TENM1: variants seen among roughly 807,000 people sequenced by gnomAD.
TENM1 encodes the protein teneurin transmembrane protein 1.
A neutral mutation model predicts 174.8 loss-of-function variants in TENM1; 35 were observed. The ratio of observed to expected loss-of-function variants is 0.20; its 90% CI spans 0.15 to 0.27. TENM1 has a LOEUF of 0.27. TENM1 is among the 10% of genes least tolerant of loss of function. TENM1 has a pLI of 1.00. For synonymous variants in TENM1, 781 were observed against 798.7 expected (o/e 0.98, Z 0.37); for missense variants, 1,633 against 2,130.1 (o/e 0.77, Z 4.59).
At chrX:125,098,766 T>C in the TENM1 span, among the ~76,000 whole-genome samples, 1 of 111,991 alleles carries the variant, frequency 8.9e-6, no homozygotes, top group African/African-American at 3.2e-5. Flanking sequence ...GCTAATAAAA[T>C]TTACCATCCA....
intron 5 of TENM1, among the ~76,000 whole-genome samples, chrX:124,695,987 T>C (rs1048843498): frequency 8.9e-6 from 1 of 111,770 alleles, no homozygotes; most frequent in Non-Finnish European, 1.9e-5. Flanking sequence ...AAGATACTAA[T>C]GGTTTGTTTG....
At chrX:124,922,237 A>G (rs2058033282) in intron 1 of TENM1, among the ~76,000 whole-genome samples, 1 of 111,297 alleles carries the variant, frequency 9.0e-6, no homozygotes, top group African/African-American at 3.3e-5. Flanking sequence ...ATGCTATTCC[A>G]CTGTCTTCTA....
intron 12 of TENM1, among the ~76,000 whole-genome samples, chrX:124,564,278 A>C (rs939177695): frequency 1.8e-5 from 2 of 112,214 alleles, no homozygotes; most frequent in Non-Finnish European, 3.8e-5. Context: ...ACAGTTGCAG[A>C]ACAAGACTTA....
exon 12 of TENM1, chrX:124,565,455 G>T: frequency 8.3e-7 from 1 of 1,209,617 alleles, no homozygotes; most frequent in Non-Finnish European, 1.1e-6. Flanking sequence ...AGTACAATGA[G>T]AATGACAGGA....
At chrX:124,987,904 C>A in the TENM1 span, among the ~76,000 whole-genome samples, 11 of 111,192 alleles carry the variant, frequency 9.9e-5, no homozygotes, top group African/African-American at 3.6e-4. Context: ...ACATTGATAC[C>A]TGGTTCTTAC....
chrX:124,589,815 T>C (rs746872908), intron 11 of TENM1, among the ~76,000 whole-genome samples: 6 of 111,869 alleles, frequency 5.4e-5, no homozygotes, highest in Non-Finnish European at 1.1e-4. Context: ...TTTTTTATTT[T>C]TTAATCTAGC....
chrX:124,893,280 A>T (rs2057505344), intron 3 of TENM1, among the ~76,000 whole-genome samples: 1 of 112,560 alleles, frequency 8.9e-6, no homozygotes, highest in African/African-American at 3.2e-5. Context: ...TTGCATACAC[A>T]CATGATCCAA....
intron 1 of TENM1, among the ~76,000 whole-genome samples, chrX:124,900,060 G>C (rs1406916324): frequency 8.9e-6 from 1 of 112,324 alleles, no homozygotes; most frequent in East Asian, 2.8e-4. Flanking sequence ...TTATCACAAA[G>C]AAATGAAAAC....
At chrX:124,411,773 C>T (rs527599809) in intron 25 of TENM1, 5 of 111,991 alleles carry the variant, frequency 4.5e-5, no homozygotes, top group East Asian at 2.8e-4. Context: ...AGAAATAGAG[C>T]GAGATTTTGA....
chrX:124,639,586 G>A (rs2050961686), intron 11 of TENM1, among the ~76,000 whole-genome samples: 2 of 111,193 alleles, frequency 1.8e-5, no homozygotes, highest in East Asian at 5.6e-4. Context: ...GAAGCTATAT[G>A]ATTATATGAT....
chrX:125,059,634 G>A, the TENM1 span, among the ~76,000 whole-genome samples: 1 of 110,956 alleles, frequency 9.0e-6, no homozygotes, highest in South Asian at 3.8e-4. Context: ...GCTAACCACT[G>A]TTTTTTCTCT....
the TENM1 span, among the ~76,000 whole-genome samples, chrX:125,044,964 C>T: frequency 9.0e-6 from 1 of 111,610 alleles, no homozygotes; most frequent in South Asian, 3.7e-4. Context: ...TCTCATACTG[C>T]TATGAAGAAC....
chrX:124,674,224 C>G (rs2051998201), intron 5 of TENM1, among the ~76,000 whole-genome samples: 1 of 103,390 alleles, frequency 9.7e-6, no homozygotes, highest in South Asian at 4.5e-4. Context: ...GAAAACAGTT[C>G]CTAGGGCAAA....
intron 1 of TENM1, among the ~76,000 whole-genome samples, chrX:124,931,329 G>C (rs1421113594): frequency 9.1e-6 from 1 of 110,217 alleles, no homozygotes; most frequent in East Asian, 2.8e-4. Flanking sequence ...AGGGTTGACA[G>C]CCAAACCTTT....
the TENM1 span, among the ~76,000 whole-genome samples, chrX:125,139,554 C>T: frequency 2.7e-5 from 3 of 110,918 alleles, no homozygotes; most frequent in Non-Finnish European, 5.7e-5. Context: ...TTCTTTTTTA[C>T]TTTCTTAGTT....
At chrX:125,089,166 T>C in the TENM1 span, among the ~76,000 whole-genome samples, 1 of 111,778 alleles carries the variant, frequency 8.9e-6, no homozygotes, top group East Asian at 2.8e-4. Context: ...GCTGGTCTCT[T>C]ATAAAGGTCT....
the TENM1 span, among the ~76,000 whole-genome samples, chrX:125,090,157 A>T: frequency 3.6e-5 from 4 of 111,719 alleles, no homozygotes; most frequent in African/African-American, 9.8e-5. Context: ...GAGGCTTCAA[A>T]TGAAACCCGA....
At chrX:125,139,823 AACACACACACAC>A in the TENM1 span, among the ~76,000 whole-genome samples, 8 of 78,532 alleles carry the variant, frequency 1.0e-4, no homozygotes, top group Non-Finnish European at 1.7e-4. Context: ...AGCTGCCCTC[AACACACACACAC>A]ACACACACAC....
intron 3 of TENM1, among the ~76,000 whole-genome samples, chrX:124,818,795 G>C (rs1429165389): frequency 9.0e-6 from 1 of 111,583 alleles, no homozygotes; most frequent in African/African-American, 3.3e-5. Context: ...ACCCCATAGT[G>C]AGATTTTGGA....
Sources: gnomAD v4.1 joint callset for allele counts (sites outside exome capture counted in the v4.1 genomes callset) on GRCh38, gnomAD v4.1.1 for gene constraint, MANE v1.5 for transcripts, NCBI Gene and HGNC (gene_info 2026-07-23, HGNC 2026-07-21) for gene names.